FAM3B: variants seen among roughly 807,000 people sequenced by gnomAD.
FAM3B encodes the protein FAM3 metabolism regulating signaling molecule B.
In FAM3B, 29 loss-of-function variants were observed where a neutral mutation model predicts 28.4. That is an observed-to-expected ratio of 1.02 (90% CI 0.76 to 1.39). FAM3B has a LOEUF of 1.39. FAM3B is among the 40% of genes most tolerant of loss of function. The pLI is 0.00. For missense variants in FAM3B, 266 were observed against 293.9 expected (o/e 0.91, Z 0.69); for synonymous variants, 91 against 103.0 (o/e 0.88, Z 0.71).
intron 2 of FAM3B, among the ~76,000 whole-genome samples, chr21:41,334,401 C>T (rs982754039): frequency 1.3e-5 from 2 of 152,178 alleles, no homozygotes; most frequent in Non-Finnish European, 2.9e-5. Flanking sequence ...AGCCCCAGGG[C>T]CCCACTAACC....
intron 1 of FAM3B, among the ~76,000 whole-genome samples, chr21:41,317,429 A>G (rs140942672): frequency 2.3e-3 from 345 of 152,288 alleles, no homozygotes; most frequent in African/African-American, 8.1e-3. Context: ...AAATAGGAAA[A>G]AGGAAAGGAG....
At chr21:41,331,747 A>G (rs1568916489) in intron 2 of FAM3B, among the ~76,000 whole-genome samples, 1 of 152,152 alleles carries the variant, frequency 6.6e-6, no homozygotes, top group Non-Finnish European at 1.5e-5. Context: ...AGCTTTTCAT[A>G]TGTGGTCTTT....
At chr21:41,353,100 A>T (rs1356080288) in intron 7 of FAM3B, among the ~76,000 whole-genome samples, 3 of 152,210 alleles carry the variant, frequency 2.0e-5, no homozygotes, top group Admixed American at 6.5e-5. Context: ...CCTAGGAATA[A>T]AGTTAACGTA....
intron 2 of FAM3B, among the ~76,000 whole-genome samples, chr21:41,334,971 G>A (rs1455458573): frequency 2.6e-5 from 4 of 152,250 alleles, no homozygotes; most frequent in African/African-American, 7.2e-5. Flanking sequence ...GATTGTTTTG[G>A]AGCTTTTAAG....
intron 7 of FAM3B, among the ~76,000 whole-genome samples, chr21:41,350,268 C>G (rs1352789030): frequency 6.6e-6 from 1 of 152,164 alleles, no homozygotes; most frequent in Non-Finnish European, 1.5e-5. Context: ...CCCTGGGGAG[C>G]GAATACTGGG....
intron 3 of FAM3B, among the ~76,000 whole-genome samples, chr21:41,340,273 C>T (rs2088993683): frequency 6.6e-6 from 1 of 151,914 alleles, no homozygotes; most frequent in Admixed American, 6.5e-5. Flanking sequence ...CCTGCCTCAG[C>T]CTCCTGAGTA....
intron 7 of FAM3B, among the ~76,000 whole-genome samples, chr21:41,350,006 G>T (rs2089102394): frequency 6.6e-6 from 1 of 152,186 alleles, no homozygotes; most frequent in Admixed American, 6.5e-5. Context: ...TAACCGAGAG[G>T]CACTCCCTGA....
At chr21:41,324,326 T>A (rs1043510372) in intron 2 of FAM3B, among the ~76,000 whole-genome samples, 11 of 152,230 alleles carry the variant, frequency 7.2e-5, no homozygotes, top group African/African-American at 2.7e-4. Context: ...GAAGCTCTGA[T>A]ACCCCAGGCC....
intron 1 of FAM3B, among the ~76,000 whole-genome samples, chr21:41,304,859 G>T (rs901566824): frequency 3.9e-5 from 6 of 152,166 alleles, no homozygotes; most frequent in Non-Finnish European, 5.9e-5. Context: ...AGTGACCGTG[G>T]GTAGGGAGAC....
At chr21:41,317,840 A>G (rs2088764425) in intron 1 of FAM3B, among the ~76,000 whole-genome samples, 1 of 152,064 alleles carries the variant, frequency 6.6e-6, no homozygotes, top group Non-Finnish European at 1.5e-5. Context: ...CCATTCCCAA[A>G]TGTAGGAAAG....
intron 6 of FAM3B, among the ~76,000 whole-genome samples, chr21:41,347,350 T>G (rs1438017465): frequency 6.6e-6 from 1 of 152,164 alleles, no homozygotes; most frequent in Non-Finnish European, 1.5e-5. Flanking sequence ...ACAAAGCCAC[T>G]GTTGACCATA....
intron 1 of FAM3B, among the ~76,000 whole-genome samples, chr21:41,306,540 A>G (rs1289364159): frequency 6.6e-6 from 1 of 152,252 alleles, no homozygotes; most frequent in African/African-American, 2.4e-5. Flanking sequence ...CAGAAACGAC[A>G]TTGATTTCCT....
chr21:41,317,317 C>T (rs1283814718), intron 1 of FAM3B, among the ~76,000 whole-genome samples: 1 of 151,696 alleles, frequency 6.6e-6, no homozygotes, highest in African/African-American at 2.4e-5. Context: ...TGCCCCTGCC[C>T]CTGACCTTGC....
rs939321609 is a variant in FAM3B, at chr21:41,326,112, G to A, written c.163+3046G>A. Among the ~76,000 whole-genome samples the A allele has an allele frequency of 2.6e-5, 4 of 152,218 alleles. No homozygotes were observed. The highest frequency in any genetic ancestry group is 4.8e-5 in the African/African-American group (2 of 41,450). On this transcript the variant is annotated intron_variant, in intron 2 of 7. Coordinates refer to ENST00000357985, the MANE Select transcript of FAM3B (RefSeq NM_058186.4). The surrounding 1 kb of genome is among the most constrained non-coding windows in gnomAD (Gnocchi z 4.0). Reference sequence around the variant, plus strand: ...GCCGTTCTCCCTGGCTAGGACACTGGCTTCTACGTAAGCCACATGAACTTT... The same window carrying A: ...GCCGTTCTCCCTGGCTAGGACACTGACTTCTACGTAAGCCACATGAACTTT...
In FAM3B at chr21:41,347,016, ACT is replaced by A. The variant is rs753027099; in HGVS notation, c.404_405del (p.Ser135TrpfsTer22). The A allele has an allele frequency of 3.7e-6, 6 of 1,613,942 alleles. No individual in the cohort carries two copies. The highest frequency in any genetic ancestry group is 3.3e-5 in the South Asian group (3 of 91,068). On this transcript the variant is annotated frameshift_variant, in exon 6 of 8. Transcript: ENST00000357985. LOFTEE classifies it high-confidence loss of function. ...ACTGACTTGCATCCCCCAATAGATA[ACT>A]CTGGACCGATGACAAAGTTTATTCA...
At chr21:41,311,533 G>T (rs1199117097) in intron 1 of FAM3B, among the ~76,000 whole-genome samples, 1 of 151,150 alleles carries the variant, frequency 6.6e-6, no homozygotes, top group Non-Finnish European at 1.5e-5. Context: ...TACAACCATT[G>T]CCTGTTAACA....
chr21:41,305,156 A>T (rs547191221), intron 1 of FAM3B, among the ~76,000 whole-genome samples: 1 of 152,310 alleles, frequency 6.6e-6, no homozygotes, highest in Admixed American at 6.5e-5. Context: ...ACCACACTCC[A>T]GGTGGGTAGA....
intron 1 of FAM3B, chr21:41,304,437 C>T (rs1568906492): frequency 8.2e-6 from 3 of 364,566 alleles, no homozygotes; most frequent in East Asian, 8.0e-5. Flanking sequence ...CCTGCACCGG[C>T]GGTTTCCCAC....
intron 3 of FAM3B, among the ~76,000 whole-genome samples, chr21:41,339,352 C>T (rs11909649): frequency 0.25 from 37,520 of 151,926 alleles, 8,718 homozygotes; most frequent in African/African-American, 0.62. Flanking sequence ...TAAACTCAGC[C>T]GAGTCTTTCT....
Sources: gnomAD v4.1 joint callset for allele counts (sites outside exome capture counted in the v4.1 genomes callset) on GRCh38, gnomAD v4.1.1 for gene constraint, Gnocchi (gnomAD v3.1) non-coding constraint, MANE v1.5 for transcripts, NCBI Gene and HGNC (gene_info 2026-07-23, HGNC 2026-07-21) for gene names.